The following KCNH7 variants were observed in gnomAD, a reference collection of about 807,000 sequenced individuals.
KCNH7 encodes voltage-gated inwardly rectifying potassium channel KCNH7.
Under a neutral mutation model 120.8 loss-of-function variants are expected in KCNH7, and 49 were observed. That is an observed-to-expected ratio of 0.41 (90% CI 0.32 to 0.51). The LOEUF is 0.51. Among genes scored for constraint, KCNH7 ranks in the 20% least tolerant of loss-of-function variants. KCNH7 has a pLI of 0.38. For synonymous variants in KCNH7, 547 were observed against 516.1 expected, an observed-to-expected ratio of 1.06 and a Z score of -0.81; for missense variants, 1,097 against 1,446.6, an observed-to-expected ratio of 0.76 and a Z score of 3.92.
chr2:162,792,762 GGTGTGTGTGTGTGTGTGTGTGTGTGT>G (rs59397474), intron 2 of KCNH7, among the ~76,000 whole-genome samples: 23 of 125,008 alleles, frequency 1.8e-4, no homozygotes, highest in Admixed American at 1.5e-3. Context: ...TCTTTTGAAT[GGTGTGTGTGTGTGTGTGTGTGTGTGT>G]GTGTGTGTGT....
intron 2 of KCNH7, among the ~76,000 whole-genome samples, chr2:162,763,571 TAG>T (rs2105455740): frequency 6.6e-6 from 1 of 152,110 alleles, no homozygotes; most frequent in South Asian, 2.1e-4. Context: ...GATGCATCCA[TAG>T]AGAGTAAACA....
chr2:162,713,698 C>A (rs1002199344), intron 2 of KCNH7, among the ~76,000 whole-genome samples: 1 of 152,022 alleles, frequency 6.6e-6, no homozygotes, highest in South Asian at 2.1e-4. Flanking sequence ...ATCTTATGAA[C>A]CACACATATA....
chr2:162,697,037 T>G (rs1686318938), intron 2 of KCNH7, among the ~76,000 whole-genome samples: 5 of 152,208 alleles, frequency 3.3e-5, no homozygotes, highest in Admixed American at 3.3e-4. Context: ...AGGGGGTCTC[T>G]TTATAAAACT....
intron 2 of KCNH7, among the ~76,000 whole-genome samples, chr2:162,792,649 C>T (rs964199613): frequency 6.7e-6 from 1 of 150,170 alleles, no homozygotes; most frequent in African/African-American, 2.4e-5. Flanking sequence ...GTTTCTGATC[C>T]CCTTTGCGTT....
chr2:162,506,387 T>A (rs575003012), intron 5 of KCNH7, among the ~76,000 whole-genome samples: 11 of 151,948 alleles, frequency 7.2e-5, no homozygotes, highest in Admixed American at 6.6e-4. Context: ...TTTCCCTTTC[T>A]GCAGCATTCT....
chr2:162,522,418 G>A (rs1691564730), intron 3 of KCNH7, among the ~76,000 whole-genome samples: 1 of 151,784 alleles, frequency 6.6e-6, no homozygotes, highest in Non-Finnish European at 1.5e-5. Context: ...GGTCTTTTCT[G>A]CATCACTAGG....
At chr2:162,517,296 C>A (rs1260514093) in intron 4 of KCNH7, among the ~76,000 whole-genome samples, 1 of 151,792 alleles carries the variant, frequency 6.6e-6, no homozygotes, top group Non-Finnish European at 1.5e-5. Flanking sequence ...CAGTACATCA[C>A]AGTTCCTATG....
At chr2:162,389,516 C>G (rs1686680387) in intron 12 of KCNH7, among the ~76,000 whole-genome samples, 1 of 151,932 alleles carries the variant, frequency 6.6e-6, no homozygotes, top group Non-Finnish European at 1.5e-5. Flanking sequence ...AGAGTGGGTT[C>G]AGATACTTCT....
intron 2 of KCNH7, among the ~76,000 whole-genome samples, chr2:162,742,387 A>G (rs1688169168): frequency 1.3e-5 from 2 of 152,120 alleles, no homozygotes; most frequent in South Asian, 4.1e-4. Flanking sequence ...ATAAAATAAA[A>G]TACTTTTTCT....
intron 6 of KCNH7, among the ~76,000 whole-genome samples, chr2:162,449,577 G>T (rs1390458450): frequency 3.3e-5 from 5 of 151,986 alleles, no homozygotes; most frequent in African/African-American, 1.2e-4. Context: ...GAAGAGAGAA[G>T]TTTGGATACA....
At chr2:162,407,836 G>A (rs577472606) in intron 9 of KCNH7, among the ~76,000 whole-genome samples, 190 of 151,952 alleles carry the variant, frequency 1.3e-3, no homozygotes, top group Middle Eastern at 3.4e-3. Context: ...ATAAAATAAG[G>A]AAAAAGGAGG....
chr2:162,669,977 G>C (rs1293213028), intron 2 of KCNH7, among the ~76,000 whole-genome samples: 1 of 152,002 alleles, frequency 6.6e-6, no homozygotes, highest in African/African-American at 2.4e-5. Context: ...GAGCGTGCCT[G>C]TAATCCCAGC....
intron 6 of KCNH7, among the ~76,000 whole-genome samples, chr2:162,460,424 A>C (rs1469452616): frequency 6.6e-6 from 1 of 152,200 alleles, no homozygotes; most frequent in East Asian, 1.9e-4. Context: ...CTTTAAAAAA[A>C]TAAGAAGGAT....
At chr2:162,837,684 T>C (rs1685711545) in intron 1 of KCNH7, among the ~76,000 whole-genome samples, 2 of 152,214 alleles carry the variant, frequency 1.3e-5, no homozygotes, top group Non-Finnish European at 2.9e-5. Flanking sequence ...TTTAAATTAA[T>C]ATATTTATAT....
chr2:162,585,087 C>A (rs1285354102), intron 2 of KCNH7, among the ~76,000 whole-genome samples: 1 of 151,940 alleles, frequency 6.6e-6, no homozygotes, highest in African/African-American at 2.4e-5. Context: ...CTGCAGCCGG[C>A]CTGGGTTCCG....
chr2:162,742,591 CATA>C (rs1688174915), intron 2 of KCNH7, among the ~76,000 whole-genome samples: 2 of 152,052 alleles, frequency 1.3e-5, no homozygotes, highest in South Asian at 2.1e-4. Context: ...TCAGAGAAAA[CATA>C]ATAATGTTAG....
chr2:162,556,451 A>G (rs1692858596), intron 2 of KCNH7, among the ~76,000 whole-genome samples: 1 of 152,296 alleles, frequency 6.6e-6, no homozygotes, highest in South Asian at 2.1e-4. Flanking sequence ...TACTTTGATC[A>G]TAGTTTATGC....
intron 2 of KCNH7, among the ~76,000 whole-genome samples, chr2:162,712,768 T>C (rs573833516): frequency 1.8e-4 from 27 of 152,314 alleles, no homozygotes; most frequent in Non-Finnish European, 2.2e-4. Context: ...TTAAAAAGCA[T>C]AGAAGCCAAT....
intron 11 of KCNH7, among the ~76,000 whole-genome samples, chr2:162,396,096 C>T (rs934237017): frequency 2.0e-5 from 3 of 151,692 alleles, no homozygotes; most frequent in Admixed American, 6.6e-5. Context: ...CATAAGGGCA[C>T]ATTTTCACAG....
Sources: gnomAD v4.1 joint callset for allele counts (sites outside exome capture counted in the v4.1 genomes callset) on GRCh38, gnomAD v4.1.1 for gene constraint, MANE v1.5 for transcripts, NCBI Gene and HGNC (gene_info 2026-07-23, HGNC 2026-07-21) for gene names.